Variants in FANCM observed in about 807,000 individuals in gnomAD.
FANCM encodes FA complementation group M.
In FANCM, 140 loss-of-function variants were observed where a neutral mutation model predicts 199.5. The ratio of observed to expected loss-of-function variants is 0.70; its 90% CI spans 0.61 to 0.81. FANCM has a LOEUF of 0.81. Among genes scored for constraint, FANCM ranks in the 30% least tolerant of loss-of-function variants. The probability of loss-of-function intolerance (pLI) is 0.00; values close to 1 mark genes in which losing one functional copy is unlikely to be tolerated. For synonymous variants in FANCM, 840 were observed against 836.8 expected (o/e 1.00, Z -0.07); for missense variants, 2,410 against 2,421.4 (o/e 1.00, Z 0.10).
intron 3 of FANCM, among the ~76,000 whole-genome samples, chr14:45,147,618 A>C (rs1420543784): frequency 6.6e-6 from 1 of 151,962 alleles, no homozygotes; most frequent in Admixed American, 6.6e-5. Flanking sequence ...TTTTGTTTGG[A>C]CACCATGGCT....
chr14:45,160,053 T>C (rs1157528482), intron 9 of FANCM, among the ~76,000 whole-genome samples: 2 of 148,050 alleles, frequency 1.4e-5, no homozygotes, highest in Non-Finnish European at 3.0e-5. Flanking sequence ...CAGGCTGGAG[T>C]GCAGTGGTGT....
rs1443665941 is a variant in FANCM at position 45,167,093 on chromosome 14, T to C, written c.1932T>C (p.His644=). ...AATTACACAAAATGTTCATCACACA[T>C]GGTGTCTATGAACCAGAGAAGCCTT... ...NPKLHKMFIT[H]GVYEPEKPSR... is the part of the protein sequence containing the mutation. The change falls in exon 11 of 23, where the codon CAT becomes CAC. Residue 644 remains histidine, a synonymous_variant. Coordinates refer to ENST00000267430, the MANE Select transcript of FANCM (RefSeq NM_020937.4). 9 of 1,613,282 alleles carry C rather than the reference T, an allele frequency of 5.6e-6. No individual in the cohort carries two copies. The highest frequency in any genetic ancestry group is 1.6e-4 in the Middle Eastern group (1 of 6,082).
At chr14:45,177,017 A>G in intron 14 of FANCM, 41 bp downstream of exon 14, 5 of 1,237,860 alleles carry the variant, frequency 4.0e-6, no homozygotes, top group Non-Finnish European at 5.9e-6. Flanking sequence ...TCTTTCTAGA[A>G]TAATTACTCT....
chr14:45,151,622 T>A (rs2139160968), intron 5 of FANCM, 94 bp downstream of exon 5: 1 of 1,164,294 alleles, frequency 8.6e-7, no homozygotes, highest in Non-Finnish European at 1.3e-6. Context: ...ACCTATTAGC[T>A]CATCAATAAT....
chr14:45,138,870 A>G (rs765072532), intron 2 of FANCM, among the ~76,000 whole-genome samples: 40 of 152,258 alleles, frequency 2.6e-4, no homozygotes, highest in Middle Eastern at 6.8e-3. Flanking sequence ...ACACACCACC[A>G]TTTCCTCTTC....
chr14:45,166,016 A>T (rs577555672), intron 10 of FANCM, among the ~76,000 whole-genome samples: 3 of 152,236 alleles, frequency 2.0e-5, no homozygotes, highest in Non-Finnish European at 4.4e-5. Flanking sequence ...TTACACTTCT[A>T]TGTAAATATC....
chr14:45,148,805 G>C, intron 3 of FANCM, 32 bp from the exon 4 acceptor site: 1 of 1,537,802 alleles, frequency 6.5e-7, no homozygotes, highest in South Asian at 1.1e-5. Flanking sequence ...TTAACATGTA[G>C]TTTATAATCA....
rs1890038233 is a variant in FANCM at position 45,196,084 on chromosome 14, A to G, written c.5341-88A>G. 6 of 1,378,452 alleles carry G rather than the reference A, an allele frequency of 4.4e-6. No individual in the cohort carries two copies. The South Asian group carries it at 4.7e-5, about 11-fold the overall frequency. 85.4% of individuals were successfully genotyped at this position (1,378,452 alleles called of 1,614,324 possible). ...TGAAGGACGAAAACTGGACATTCTCATTAAGGATAATCAACTTCGGGTGTG... is the reference window on the plus strand; with the variant it reads ...TGAAGGACGAAAACTGGACATTCTCGTTAAGGATAATCAACTTCGGGTGTG... On this transcript the variant is annotated intron_variant, in intron 20 of 22. Transcript: ENST00000267430.
At position 45,144,747 on chromosome 14, in the gene FANCM, C is replaced by T. The variant is rs534705629; in HGVS notation, c.759+4038C>T. 2.6e-5 allele frequency among the ~76,000 whole-genome samples: 4 copies of T among 152,312 alleles called. No homozygotes were observed. The South Asian group carries it at 8.3e-4, about 32-fold the overall frequency. On this transcript the variant is annotated intron_variant, in intron 3 of 22. Coordinates refer to ENST00000267430, the MANE Select transcript of FANCM (RefSeq NM_020937.4). Reference sequence around the variant, plus strand: ...TCACCCTTCAGAGAAGTGGGTTCCCCTCTGGCCTGGGACAGTTTCAGAAAT... The same window carrying T: ...TCACCCTTCAGAGAAGTGGGTTCCCTTCTGGCCTGGGACAGTTTCAGAAAT...
rs2139296974 is a variant in FANCM at position 45,189,115 on chromosome 14, A to T, written c.5093A>T (p.Asn1698Ile). ...IAVNPSTVKK[N>I]KQQDHCLNSV... The stretch of plus-strand genomic sequence containing the variant: ...GTTAACCCAAGCACTGTTAAGAAGA[A>T]CAAACAACAGGACCATTGTTTAAAT... Residue 1698 changes from asparagine to isoleucine, a missense_variant, in exon 20 of 23, where the codon AAC becomes ATC. Physicochemically the swap from Asn to Ile is moderately radical, Grantham distance 149 (BLOSUM62 -3). Coordinates refer to ENST00000267430, the MANE Select transcript of FANCM (RefSeq NM_020937.4). 1 of 1,614,178 alleles carries T rather than the reference A, an allele frequency of 6.2e-7. No individual in the cohort carries two copies. Among genetic ancestry groups the T allele is most frequent in the South Asian group, 1.1e-5 (1 of 91,084 alleles).
At chr14:45,177,868 A>G (rs571960493) in intron 14 of FANCM, among the ~76,000 whole-genome samples, 1 of 152,344 alleles carries the variant, frequency 6.6e-6, no homozygotes, top group East Asian at 1.9e-4. Flanking sequence ...GCAGCAAAAT[A>G]TTTGAGAAAT....
At chr14:45,143,980 C>G (rs1056046811) in intron 3 of FANCM, among the ~76,000 whole-genome samples, 88 of 152,248 alleles carry the variant, frequency 5.8e-4, no homozygotes, top group African/African-American at 2.1e-3. Flanking sequence ...GCGTGAGCCA[C>G]CACGCCCGGC....
chr14:45,195,720 C>T, intron 20 of FANCM: 1 of 326,228 alleles, frequency 3.1e-6, no homozygotes, highest in Non-Finnish European at 6.1e-6. Flanking sequence ...TTTTTTAAAA[C>T]TGAACAGGTT....
chr14:45,165,070 A>G (rs891283471), intron 10 of FANCM, among the ~76,000 whole-genome samples: 4 of 152,198 alleles, frequency 2.6e-5, no homozygotes, highest in African/African-American at 9.7e-5. Context: ...TTTAAGTGAT[A>G]AGGAACTTGA....
intron 14 of FANCM, among the ~76,000 whole-genome samples, chr14:45,179,710 T>A (rs533315011): frequency 4.6e-5 from 7 of 151,920 alleles, no homozygotes; most frequent in African/African-American, 1.4e-4. Context: ...TGTAGGCGCC[T>A]GCCACCACGC....
Position 45,176,304 on chromosome 14 carries a change from T to G in FANCM, c.3550T>G (p.Leu1184Val), listed in dbSNP as rs1331676656. The G allele has an allele frequency of 6.2e-7, 1 of 1,613,972 alleles. No homozygotes were observed. The highest frequency in any genetic ancestry group is 8.5e-7 in the Non-Finnish European group (1 of 1,180,000). Reference protein sequence around the residue: ...SQFLISDELLLDNNSELQDQI... With the variant: ...SQFLISDELLVDNNSELQDQI... ...GTTCTTAATTTCTGATGAACTTTTGTTGGACAATAATTCTGAACTCCAAGA... is the reference window on the plus strand; with the variant it reads ...GTTCTTAATTTCTGATGAACTTTTGGTGGACAATAATTCTGAACTCCAAGA... Residue 1184 changes from leucine (L) to valine (V), a missense_variant, in exon 14 of 23, where the codon TTG becomes GTG. By Grantham distance (32) the Leu-to-Val change is conservative (BLOSUM62 1). Coordinates refer to ENST00000267430, the MANE Select transcript of FANCM (RefSeq NM_020937.4).
intron 8 of FANCM, 66 bp downstream of exon 8, chr14:45,155,525 G>A: frequency 1.2e-6 from 1 of 849,910 alleles, no homozygotes; most frequent in East Asian, 2.6e-5. Context: ...TTTACTTATG[G>A]CTGGGTGCAG....
chr14:45,171,624 A>G (rs1414735780), intron 12 of FANCM, among the ~76,000 whole-genome samples: 1 of 150,560 alleles, frequency 6.6e-6, no homozygotes, highest in Non-Finnish European at 1.5e-5. Flanking sequence ...ATAGTCTCCA[A>G]CTCCATCCAG....
At chr14:45,168,138 T>A (rs1032509070) in intron 11 of FANCM, among the ~76,000 whole-genome samples, 6 of 152,200 alleles carry the variant, frequency 3.9e-5, no homozygotes, top group Non-Finnish European at 7.4e-5. Flanking sequence ...TCCACTGTTG[T>A]CATACCATGC....
Sources: allele counts gnomAD v4.1 joint callset (sites outside exome capture counted in the v4.1 genomes callset), GRCh38; gene constraint gnomAD v4.1.1; transcripts MANE v1.5; gene names NCBI Gene and HGNC (gene_info 2026-07-23, HGNC 2026-07-21).